Variants in MAGI2 observed in about 807,000 individuals in gnomAD.
The protein encoded by MAGI2 is membrane-associated guanylate kinase, WW and PDZ domain-containing protein 2.
MAGI2 carries 35 observed loss-of-function variants against 133.3 expected under a neutral mutation model. That is an observed-to-expected ratio of 0.26 (90% confidence interval 0.20 to 0.35). The LOEUF is 0.35. MAGI2 is among the 10% of genes least tolerant of loss of function. The probability of loss-of-function intolerance (pLI) is 1.00; values close to 1 mark genes in which losing one functional copy is unlikely to be tolerated. For missense variants in MAGI2, 1,636 were observed against 1,863.4 expected, an observed-to-expected ratio of 0.88 and a Z score of 2.25; for synonymous variants, 729 against 710.6, an observed-to-expected ratio of 1.03 and a Z score of -0.41.
At chr7:79,111,549 A>G (rs1818922718) in intron 1 of MAGI2, among the ~76,000 whole-genome samples, 1 of 152,224 alleles carries the variant, frequency 6.6e-6, no homozygotes, top group Non-Finnish European at 1.5e-5. Context: ...TCAGGTAGGT[A>G]TGTTATTTGT....
chr7:78,436,711 C>G (rs868052059), intron 6 of MAGI2, among the ~76,000 whole-genome samples: 1 of 152,168 alleles, frequency 6.6e-6, no homozygotes, highest in South Asian at 2.1e-4. Flanking sequence ...TCTCCACTCA[C>G]GGACCCTCTC....
chr7:78,982,716 G>T (rs1351596189), intron 2 of MAGI2, among the ~76,000 whole-genome samples: 1 of 145,414 alleles, frequency 6.9e-6, no homozygotes, highest in Non-Finnish European at 1.5e-5. Flanking sequence ...AAGCCAGGAA[G>T]GAACACCTAA....
At chr7:78,591,378 G>C (rs953719274) in intron 3 of MAGI2, among the ~76,000 whole-genome samples, 2 of 152,234 alleles carry the variant, frequency 1.3e-5, no homozygotes, top group African/African-American at 4.8e-5. Context: ...AATTGATGCA[G>C]TGGTATCTAA....
intron 1 of MAGI2, among the ~76,000 whole-genome samples, chr7:79,442,530 G>T (rs764865416): frequency 6.6e-6 from 1 of 150,932 alleles, no homozygotes; most frequent in African/African-American, 2.4e-5. Context: ...TGTTCACTAG[G>T]GTGACTCCCA....
chr7:78,922,555 G>T (rs1445407875), intron 2 of MAGI2, among the ~76,000 whole-genome samples: 1 of 151,962 alleles, frequency 6.6e-6, no homozygotes, highest in African/African-American at 2.4e-5. Flanking sequence ...GTATTCCATG[G>T]TGTATATGTG....
intron 9 of MAGI2, among the ~76,000 whole-genome samples, chr7:78,296,750 C>CTT (rs1797288692): frequency 6.6e-6 from 1 of 152,116 alleles, no homozygotes; most frequent in African/African-American, 2.4e-5. Context: ...CAGAGGGAAA[C>CTT]TTACTTATAC....
At chr7:78,233,586 T>G (rs12705351) in intron 10 of MAGI2, among the ~76,000 whole-genome samples, 44,339 of 151,768 alleles carry the variant, frequency 0.29, 7,535 homozygotes, top group Non-Finnish European at 0.37. Flanking sequence ...TTTCAAGAAA[T>G]TTGGCCCAGG....
intron 21 of MAGI2, among the ~76,000 whole-genome samples, chr7:78,049,788 A>G (rs1435446933): frequency 2.6e-5 from 4 of 152,192 alleles, no homozygotes; most frequent in African/African-American, 7.2e-5. Flanking sequence ...GAGCAAAACC[A>G]TCGATGCAAT....
chr7:79,007,771 G>A (rs1374604217), intron 1 of MAGI2, among the ~76,000 whole-genome samples: 7 of 151,946 alleles, frequency 4.6e-5, no homozygotes, highest in Admixed American at 1.3e-4. Context: ...AAAAGTTAAA[G>A]AAGAAAAACC....
chr7:78,163,864 G>A (rs187868881), intron 15 of MAGI2, among the ~76,000 whole-genome samples: 1,771 of 141,516 alleles, frequency 0.013, 18 homozygotes, highest in African/African-American at 0.039. Flanking sequence ...CTGAGATCGC[G>A]CCACTGCACT....
intron 2 of MAGI2, among the ~76,000 whole-genome samples, chr7:78,845,407 G>C (rs1276449930): frequency 6.6e-6 from 1 of 151,832 alleles, no homozygotes; most frequent in Non-Finnish European, 1.5e-5. Flanking sequence ...TTATGGGGGA[G>C]AGAAGGTCAG....
At chr7:79,174,697 T>TA (rs1302582788) in intron 1 of MAGI2, among the ~76,000 whole-genome samples, 2 of 150,304 alleles carry the variant, frequency 1.3e-5, no homozygotes, top group Non-Finnish European at 2.9e-5. Context: ...TTAAATTTTT[T>TA]AAAAAAAGAA....
Position 79,123,647 on chromosome 7 carries a change from G to A in MAGI2, c.302-116441C>T, listed in dbSNP as rs534851066. On this transcript the variant is annotated intron_variant, in intron 1 of 21. Coordinates refer to ENST00000354212, the MANE Select transcript of MAGI2 (RefSeq NM_012301.4). The stretch of plus-strand genomic sequence containing the variant: ...CTAAAAATACAAAAATTAGCCAGGC[G>A]TGGTGGGGTGTGCCTGTAATCCCAG... Among the ~76,000 whole-genome samples the A allele has an allele frequency of 1.1e-4, 17 of 151,926 alleles. No individual in the cohort carries two copies. In the South Asian group the frequency reaches 2.1e-3, roughly 19 times the overall value.
chr7:78,964,961 T>C (rs1339500061), intron 2 of MAGI2, among the ~76,000 whole-genome samples: 4 of 151,948 alleles, frequency 2.6e-5, no homozygotes, highest in African/African-American at 7.2e-5. Flanking sequence ...AAAAGAATCA[T>C]AGAGATTGAA....
chr7:78,603,069 A>T (rs878965289), intron 3 of MAGI2, among the ~76,000 whole-genome samples: 6 of 152,052 alleles, frequency 3.9e-5, no homozygotes, highest in Admixed American at 3.9e-4. Flanking sequence ...ACTGGTTGCT[A>T]GGTGTTGGGA....
chr7:78,344,260 C>T (rs1422845484), intron 8 of MAGI2, among the ~76,000 whole-genome samples: 2 of 152,124 alleles, frequency 1.3e-5, no homozygotes, highest in Admixed American at 6.6e-5. Flanking sequence ...AAGGCTGTGT[C>T]AACAGGCTGC....
intron 1 of MAGI2, among the ~76,000 whole-genome samples, chr7:79,380,646 T>C (rs896067906): frequency 2.0e-5 from 3 of 151,804 alleles, no homozygotes; most frequent in Non-Finnish European, 4.4e-5. Context: ...TTGCAAATAA[T>C]GTGACTCTAA....
At chr7:78,633,565 G>T (rs1292536221) in intron 2 of MAGI2, among the ~76,000 whole-genome samples, 1 of 152,026 alleles carries the variant, frequency 6.6e-6, no homozygotes, top group African/African-American at 2.4e-5. Context: ...AATTAGCCGG[G>T]CGTGGTGGCG....
chr7:79,066,818 T>G (rs1814385662), intron 1 of MAGI2, among the ~76,000 whole-genome samples: 1 of 152,328 alleles, frequency 6.6e-6, no homozygotes, highest in Admixed American at 6.5e-5. Flanking sequence ...GTTTCAGCTT[T>G]ATGCATATGG....
Sources: gnomAD v4.1 joint callset for allele counts (sites outside exome capture counted in the v4.1 genomes callset) on GRCh38, gnomAD v4.1.1 for gene constraint, MANE v1.5 for transcripts, NCBI Gene and HGNC (gene_info 2026-07-23, HGNC 2026-07-21) for gene names.